Variants in NMBR observed in about 807,000 individuals in gnomAD.
The protein encoded by NMBR is neuromedin-B receptor.
A neutral mutation model predicts 20.5 loss-of-function variants in NMBR; 16 were observed. The observed-to-expected ratio is 0.78, with a 90% CI of 0.53 to 1.19. The LOEUF is 1.19. Ranked by LOEUF, NMBR falls within the 50% of genes most tolerant of loss-of-function variation. NMBR has a pLI of 0.00. For missense variants in NMBR, 582 were observed against 499.1 expected (o/e 1.17, Z -1.58); for synonymous variants, 212 against 196.6 (o/e 1.08, Z -0.65).
At chr6:142,113,923 A>T (rs759742335) in intron 1 of NMBR, among the ~76,000 whole-genome samples, 12 of 152,190 alleles carry the variant, frequency 7.9e-5, no homozygotes, top group Admixed American at 1.3e-4. Context: ...TATTGAAGTC[A>T]ATCCAACTTC....
At chr6:142,095,855 C>T (rs369432398) in intron 1 of NMBR, among the ~76,000 whole-genome samples, 2 of 151,814 alleles carry the variant, frequency 1.3e-5, no homozygotes, top group Admixed American at 6.6e-5. Context: ...ATTCAGAGAT[C>T]CAACTTCTTC....
At chr6:142,093,358 T>A (rs1420237925) in intron 1 of NMBR, among the ~76,000 whole-genome samples, 2 of 139,214 alleles carry the variant, frequency 1.4e-5, no homozygotes, top group Non-Finnish European at 3.0e-5. Flanking sequence ...TGTGTCCATG[T>A]GTTCTCATTG....
At chr6:142,076,496 A>G (rs11967559) in intron 3 of NMBR, among the ~76,000 whole-genome samples, 3,109 of 152,316 alleles carry the variant, frequency 0.02, 116 homozygotes, top group African/African-American at 0.07. Flanking sequence ...GCTGTTTAAA[A>G]CTACCACTCC....
intron 2 of NMBR, among the ~76,000 whole-genome samples, chr6:142,081,810 T>C (rs1447967801): frequency 6.6e-6 from 1 of 152,190 alleles, no homozygotes; most frequent in Non-Finnish European, 1.5e-5. Context: ...GCATAGCAGG[T>C]ATGTGTAAAA....
chr6:142,126,529 C>T lies in NMBR; in HGVS notation c.-664+20515G>A, dbSNP rs193119348. ...CTATTTCAATTTACACTCCCACCAA[C>T]AGTGTGTACAAGTGCTCCCTTTTCT... On this transcript the variant is annotated intron_variant, in intron 1 of 3. Transcript: ENST00000258042. Among the ~76,000 whole-genome samples the T allele has an allele frequency of 1.5e-4, 23 of 152,042 alleles. No individual in the cohort carries two copies. In the East Asian group the frequency reaches 2.5e-3, roughly 17 times the overall value.
rs951056915 is a variant in NMBR, at chr6:142,088,802, C to T, written c.-144G>A. ...CCGCGGGGCAAGCCTCACAGCACCACGTCCCTAAGAGTTCAGGACCTGGGG... is the reference window on the plus strand; with the variant it reads ...CCGCGGGGCAAGCCTCACAGCACCATGTCCCTAAGAGTTCAGGACCTGGGG... On this transcript the variant is annotated 5_prime_UTR_variant, in exon 2 of 4. The change creates a new upstream start codon in the 5' untranslated region. Coordinates refer to ENST00000258042, the MANE Select transcript of NMBR (RefSeq NM_002511.4). 9.8e-6 allele frequency: 7 copies of T among 711,938 alleles called. No homozygotes were observed. The highest frequency in any genetic ancestry group is 1.8e-5 in the African/African-American group (1 of 55,848). 44.1% of individuals were successfully genotyped at this position (711,938 alleles called of 1,614,324 possible).
chr6:142,116,046 C>A (rs1290491635), intron 1 of NMBR, among the ~76,000 whole-genome samples: 1 of 151,836 alleles, frequency 6.6e-6, no homozygotes, highest in Non-Finnish European at 1.5e-5. Context: ...ATGGGAGTTT[C>A]CCTGCACAAG....
At chr6:142,077,157 G>A (rs1419793665) in intron 3 of NMBR, among the ~76,000 whole-genome samples, 1 of 152,144 alleles carries the variant, frequency 6.6e-6, no homozygotes, top group Non-Finnish European at 1.5e-5. Flanking sequence ...GTGCAAGAAT[G>A]TCACAGCAGT....
At chr6:142,086,886 T>G (rs1443566512) in intron 2 of NMBR, among the ~76,000 whole-genome samples, 2 of 152,186 alleles carry the variant, frequency 1.3e-5, no homozygotes, top group Non-Finnish European at 2.9e-5. Context: ...ACTACTGTGG[T>G]TGCTAATCAT....
At chr6:142,086,312 CA>C (rs1003890031) in intron 2 of NMBR, among the ~76,000 whole-genome samples, 1 of 151,952 alleles carries the variant, frequency 6.6e-6, no homozygotes, top group African/African-American at 2.4e-5. Flanking sequence ...AAAAATTACA[CA>C]AAAAAAGTTA....
intron 1 of NMBR, chr6:142,134,927 A>T (rs1283376198): frequency 3.6e-6 from 2 of 548,770 alleles, no homozygotes; most frequent in Non-Finnish European, 6.4e-6. Context: ...CAATGACCAA[A>T]TAATTACCTA....
intron 1 of NMBR, among the ~76,000 whole-genome samples, chr6:142,143,198 T>C (rs1329474097): frequency 6.6e-6 from 1 of 152,152 alleles, no homozygotes; most frequent in Admixed American, 6.5e-5. Flanking sequence ...AAATGCATAG[T>C]GATAAATTTT....
intron 2 of NMBR, among the ~76,000 whole-genome samples, chr6:142,084,328 C>T (rs1483199990): frequency 1.3e-5 from 2 of 152,108 alleles, no homozygotes; most frequent in African/African-American, 4.8e-5. Flanking sequence ...TCTGATTATC[C>T]TAACCAGCAC....
At chr6:142,116,255 C>G (rs986746159) in intron 1 of NMBR, among the ~76,000 whole-genome samples, 1 of 151,830 alleles carries the variant, frequency 6.6e-6, no homozygotes, top group African/African-American at 2.4e-5. Flanking sequence ...CTTCTCTTCA[C>G]CCTCTTAGTC....
At position 142,128,856 on chromosome 6, in the gene NMBR, G is replaced by A. The variant is rs546519936; in HGVS notation, c.-664+18188C>T. ...TGTTTTTGTCTGACTCTGGCAACAG[G>A]GTGAAAATGGCTTCATAAATTGAGT... On this transcript the variant is annotated intron_variant, in intron 1 of 3. Coordinates refer to ENST00000258042, the MANE Select transcript of NMBR (RefSeq NM_002511.4). Among the ~76,000 whole-genome samples, 3 of 151,476 alleles carry A rather than the reference G, an allele frequency of 2.0e-5. No homozygotes were observed. The East Asian group carries it at 5.9e-4, about 30-fold the overall frequency.
At chr6:142,126,370 CTG>C (rs1405871462) in intron 1 of NMBR, among the ~76,000 whole-genome samples, 1 of 151,662 alleles carries the variant, frequency 6.6e-6, no homozygotes, top group Non-Finnish European at 1.5e-5. Context: ...GTAGTGAACA[CTG>C]GGGTGCAGAT....
At chr6:142,095,279 G>C (rs1476230901) in intron 1 of NMBR, among the ~76,000 whole-genome samples, 1 of 152,142 alleles carries the variant, frequency 6.6e-6, no homozygotes, top group African/African-American at 2.4e-5. Context: ...GTATGATATT[G>C]GCTGTGGGTT....
intron 1 of NMBR, among the ~76,000 whole-genome samples, chr6:142,112,067 G>A (rs1370804599): frequency 6.6e-6 from 1 of 152,146 alleles, no homozygotes; most frequent in Non-Finnish European, 1.5e-5. Flanking sequence ...AGTGGGTCAC[G>A]CCTGTAATCC....
chr6:142,114,192 G>A (rs1582853135), intron 1 of NMBR, among the ~76,000 whole-genome samples: 1 of 152,260 alleles, frequency 6.6e-6, no homozygotes, highest in East Asian at 1.9e-4. Flanking sequence ...ATTTGAATGA[G>A]CCCAGGTTGG....
Sources: allele counts gnomAD v4.1 joint callset (sites outside exome capture counted in the v4.1 genomes callset), GRCh38; gene constraint gnomAD v4.1.1; transcripts MANE v1.5; gene names NCBI Gene and HGNC (gene_info 2026-07-23, HGNC 2026-07-21).